Variants in CAST observed in about 807,000 individuals in gnomAD.
CAST encodes calpastatin, also known as MIR583 host.
In CAST, 76 loss-of-function variants were observed where a neutral mutation model predicts 119.6. The ratio of observed to expected loss-of-function variants is 0.64; its 90% CI spans 0.53 to 0.77. The LOEUF (loss-of-function observed/expected upper bound fraction) is 0.77, where lower values mean the gene tolerates loss of function less well. CAST is among the 30% of genes least tolerant of loss of function. The probability of loss-of-function intolerance (pLI) is 0.00; values close to 1 mark genes in which losing one functional copy is unlikely to be tolerated. For synonymous variants in CAST, 319 were observed against 331.6 expected (o/e 0.96, Z 0.41); for missense variants, 953 against 946.5 (o/e 1.01, Z -0.09).
chr5:96,533,584 T>C (rs116623113), intron 1 of CAST, among the ~76,000 whole-genome samples: 3,172 of 152,160 alleles, frequency 0.021, 116 homozygotes, highest in African/African-American at 0.072. Flanking sequence ...CTTAGAAAAA[T>C]TGCAGATACT....
At chr5:96,095,410 G>GA in the CAST span, among the ~76,000 whole-genome samples, 199 of 146,332 alleles carry the variant, frequency 1.4e-3, no homozygotes, top group East Asian at 6.3e-3. Flanking sequence ...GTTTCTATAA[G>GA]AAAAAAAAAA....
the CAST span, among the ~76,000 whole-genome samples, chr5:96,222,513 C>T: frequency 6.6e-6 from 1 of 152,178 alleles, no homozygotes; most frequent in Middle Eastern, 3.4e-3. Context: ...CGACAAAATG[C>T]TCAACATCCC....
chr5:96,120,787 T>C, the CAST span, among the ~76,000 whole-genome samples: 1 of 150,566 alleles, frequency 6.6e-6, no homozygotes, highest in Non-Finnish European at 1.5e-5. Flanking sequence ...ACCTTATCTC[T>C]TTCTCCTTCC....
At chr5:96,765,158 G>A in intron 25 of CAST, 63 bp from the exon 26 acceptor site, 1 of 920,992 alleles carries the variant, frequency 1.1e-6, no homozygotes, top group East Asian at 2.4e-5. Context: ...GAGTTCCTGG[G>A]CTAATTTGCC....
the CAST span, among the ~76,000 whole-genome samples, chr5:96,469,779 A>G: frequency 6.6e-6 from 1 of 150,848 alleles, no homozygotes; most frequent in South Asian, 2.1e-4. Flanking sequence ...CATCCCATGC[A>G]TAATAGAAAG....
intron 24 of CAST, chr5:96,760,991 A>T (rs914198221): frequency 4.6e-5 from 7 of 152,140 alleles, no homozygotes; most frequent in African/African-American, 1.7e-4. Flanking sequence ...TACAGTAATA[A>T]TAAGTGGAAA....
intron 1 of CAST, among the ~76,000 whole-genome samples, chr5:96,568,564 C>CAAAAAA (rs70981830): frequency 1.1e-4 from 8 of 70,896 alleles, no homozygotes; most frequent in Non-Finnish European, 1.5e-4. Context: ...GACTCCATCT[C>CAAAAAA]AAAAAAAAAA....
chr5:96,549,600 C>T (rs1297506324), intron 1 of CAST, among the ~76,000 whole-genome samples: 4 of 152,248 alleles, frequency 2.6e-5, no homozygotes, highest in African/African-American at 7.2e-5. Context: ...TCACCTTACC[C>T]GGGAAGCACA....
intron 4 of CAST, among the ~76,000 whole-genome samples, chr5:96,724,753 A>C (rs1361419692): frequency 6.6e-6 from 1 of 151,944 alleles, no homozygotes. Flanking sequence ...AGCCCAGGAG[A>C]TCAAGGCTGC....
the CAST span, chr5:96,394,935 G>A: frequency 1.9e-6 from 3 of 1,614,054 alleles, no homozygotes; most frequent in East Asian, 2.2e-5. Context: ...GTGTACACAC[G>A]AGGCTGCTTC....
intron 2 of CAST, among the ~76,000 whole-genome samples, chr5:96,679,874 T>A (rs1347179031): frequency 2.0e-5 from 3 of 152,200 alleles, no homozygotes; most frequent in African/African-American, 7.2e-5. Context: ...TGAAAAACAA[T>A]ATTACCCTGA....
At chr5:96,236,811 T>A in the CAST span, among the ~76,000 whole-genome samples, 1 of 152,212 alleles carries the variant, frequency 6.6e-6, no homozygotes, top group African/African-American at 2.4e-5. Context: ...TTTATGACCA[T>A]GATAACTTAC....
rs554597082 is a variant in CAST at position 96,769,507 on chromosome 5, GT to G, written c.2269-1021del. Reference sequence around the variant, plus strand: ...TATATTTGAGGTTTACAACATGGTAGTTTGGGATGCATAGAAATAATAAAAT... The same window carrying G: ...TATATTTGAGGTTTACAACATGGTAGTTGGGATGCATAGAAATAATAAAAT... On this transcript the variant is annotated intron_variant, in intron 29 of 31. Coordinates refer to ENST00000675179, the MANE Select transcript of CAST (RefSeq NM_001750.7). 135 of 151,748 alleles carry G rather than the reference GT, an allele frequency of 8.9e-4. 2 individuals carry two copies. The highest frequency in any genetic ancestry group is 3.0e-3 in the African/African-American group (124 of 41,372). 9.4% of individuals were successfully genotyped at this position (151,748 alleles called of 1,614,324 possible).
At chr5:96,139,548 G>GTATATA in the CAST span, among the ~76,000 whole-genome samples, 1 of 83,524 alleles carries the variant, frequency 1.2e-5, no homozygotes, top group Middle Eastern at 5.7e-3. Context: ...ATATGTATAT[G>GTATATA]TATATATATG....
the CAST span, among the ~76,000 whole-genome samples, chr5:96,164,660 G>C: frequency 2.0e-5 from 3 of 152,206 alleles, no homozygotes; most frequent in Admixed American, 2.0e-4. Flanking sequence ...TAGCCTGAAC[G>C]TTGTGTTAGT....
chr5:96,008,302 T>A, the CAST span, among the ~76,000 whole-genome samples: 2 of 152,246 alleles, frequency 1.3e-5, no homozygotes, highest in African/African-American at 4.8e-5. Context: ...CTATCACCTG[T>A]TCACTTTTCC....
intron 1 of CAST, among the ~76,000 whole-genome samples, chr5:96,587,071 A>G (rs1460073628): frequency 6.6e-6 from 1 of 152,220 alleles, no homozygotes; most frequent in Non-Finnish European, 1.5e-5. Context: ...CTCAGCTATT[A>G]TTGAACAGAG....
intron 1 of CAST, among the ~76,000 whole-genome samples, chr5:96,583,982 T>C (rs1352598534): frequency 2.0e-5 from 3 of 152,196 alleles, no homozygotes; most frequent in Non-Finnish European, 2.9e-5. Context: ...CCAAGATTTA[T>C]TAATGTTAAC....
chr5:96,314,105 A>T, the CAST span, among the ~76,000 whole-genome samples: 1 of 152,142 alleles, frequency 6.6e-6, no homozygotes, highest in Non-Finnish European at 1.5e-5. Flanking sequence ...AGGATTTCTA[A>T]TGGAATTGTT....
Sources: allele counts gnomAD v4.1 joint callset (sites outside exome capture counted in the v4.1 genomes callset), GRCh38; gene constraint gnomAD v4.1.1; transcripts MANE v1.5; gene names NCBI Gene and HGNC (gene_info 2026-07-23, HGNC 2026-07-21).